Variants in SAMD3 observed in about 807,000 individuals in gnomAD.
The protein encoded by SAMD3 is sterile alpha motif domain containing 3.
Under a neutral mutation model 58.5 loss-of-function variants are expected in SAMD3, and 63 were observed. The observed-to-expected ratio is 1.08, with a 90% CI of 0.88 to 1.33. SAMD3 has a LOEUF of 1.33. Among genes scored for constraint, SAMD3 ranks in the 40% most tolerant of loss-of-function variants. The pLI, the probability that SAMD3 is intolerant of heterozygous loss-of-function variation, is 0.00. For missense variants in SAMD3, 604 were observed against 608.4 expected (o/e 0.99, Z 0.08); for synonymous variants, 220 against 210.3 (o/e 1.05, Z -0.40).
intron 1 of SAMD3, among the ~76,000 whole-genome samples, chr6:130,352,080 G>T (rs914566143): frequency 8.2e-6 from 1 of 122,504 alleles, no homozygotes; most frequent in Non-Finnish European, 1.7e-5. Context: ...GGGGGAGGGG[G>T]GAGGGATAGT....
intron 2 of SAMD3, among the ~76,000 whole-genome samples, chr6:130,238,575 C>T (rs1773246628): frequency 6.6e-6 from 1 of 151,676 alleles, no homozygotes; most frequent in African/African-American, 2.4e-5. Context: ...AAAAAAAATA[C>T]TTGGTCTAGG....
chr6:130,349,958 C>G (rs1478305054), intron 1 of SAMD3, among the ~76,000 whole-genome samples: 1 of 152,110 alleles, frequency 6.6e-6, no homozygotes, highest in Non-Finnish European at 1.5e-5. Context: ...TAAACAGAAC[C>G]AAAGACCAAA....
At chr6:130,361,995 AAAAGTT>A (rs573941963) in intron 1 of SAMD3, among the ~76,000 whole-genome samples, 95 of 152,354 alleles carry the variant, frequency 6.2e-4, no homozygotes, top group African/African-American at 2.2e-3. Context: ...AATAGTCAGT[AAAAGTT>A]AATATTTTAG....
intron 1 of SAMD3, among the ~76,000 whole-genome samples, chr6:130,325,360 T>C (rs939140383): frequency 5.3e-5 from 8 of 152,162 alleles, no homozygotes; most frequent in African/African-American, 1.7e-4. Flanking sequence ...GTCTGAAGGC[T>C]GGAGAACCTG....
At chr6:130,176,054 A>G (rs754624237) in intron 7 of SAMD3, 46 bp from the exon 8 acceptor site, 1 of 1,484,220 alleles carries the variant, frequency 6.7e-7, no homozygotes, top group Non-Finnish European at 9.4e-7. Context: ...GATTGAGATA[A>G]TCCTATATAA....
chr6:130,266,081 G>C (rs1216628230), intron 2 of SAMD3, among the ~76,000 whole-genome samples: 1 of 151,980 alleles, frequency 6.6e-6, no homozygotes, highest in Non-Finnish European at 1.5e-5. Context: ...CTTAATCCTC[G>C]CTAGAAAAAA....
chr6:130,154,396 C>A (rs1789543584), intron 9 of SAMD3, among the ~76,000 whole-genome samples: 1 of 151,794 alleles, frequency 6.6e-6, no homozygotes, highest in African/African-American at 2.4e-5. Context: ...TGTCCTGTTA[C>A]CACTCCAAGA....
chr6:130,206,424 C>T (rs940451433), intron 5 of SAMD3, among the ~76,000 whole-genome samples: 16 of 152,166 alleles, frequency 1.1e-4, no homozygotes, highest in African/African-American at 3.6e-4. Flanking sequence ...CAGAGACAAC[C>T]CGTGAGAAAA....
intron 1 of SAMD3, among the ~76,000 whole-genome samples, chr6:130,331,720 A>C (rs1475241417): frequency 2.6e-5 from 4 of 152,206 alleles, no homozygotes; most frequent in African/African-American, 4.8e-5. Context: ...CTCCATCTCA[A>C]AAAAAATAAA....
At chr6:130,182,653 AGGAAGGAAAGAAGGAT>A (rs892876596) in intron 7 of SAMD3, among the ~76,000 whole-genome samples, 4 of 151,696 alleles carry the variant, frequency 2.6e-5, no homozygotes, top group African/African-American at 4.8e-5. Flanking sequence ...GAAGGAAGGA[AGGAAGGAAAGAAGGAT>A]GGAAGGAAAG....
At chr6:130,178,399 C>T (rs78974207) in intron 7 of SAMD3, among the ~76,000 whole-genome samples, 14,158 of 151,466 alleles carry the variant, frequency 0.093, 1,067 homozygotes, top group African/African-American at 0.2. Flanking sequence ...AAAAAAACCC[C>T]TGCAGGCATA....
At chr6:130,203,640 T>C (rs920210557) in intron 5 of SAMD3, among the ~76,000 whole-genome samples, 11 of 152,190 alleles carry the variant, frequency 7.2e-5, no homozygotes, top group Non-Finnish European at 1.5e-4. Context: ...CCACAGAAAA[T>C]GCTTAATACA....
chr6:130,304,695 T>C (rs1028996724), intron 2 of SAMD3, among the ~76,000 whole-genome samples: 8 of 151,954 alleles, frequency 5.3e-5, no homozygotes, highest in Admixed American at 3.3e-4. Flanking sequence ...CTAAGTTCCA[T>C]GAAAAAAAAT....
chr6:130,278,256 G>A (rs768356296), intron 2 of SAMD3, among the ~76,000 whole-genome samples: 10 of 152,090 alleles, frequency 6.6e-5, no homozygotes, highest in Non-Finnish European at 7.4e-5. Context: ...TGACCAATCA[G>A]CACTCCCAAC....
chr6:130,235,118 A>G lies in SAMD3; in HGVS notation c.-187-12305T>C, dbSNP rs553905172. On this transcript the variant is annotated intron_variant, in intron 2 of 13. Coordinates refer to the SAMD3 transcript ENST00000368134. ...CTACAGAGCATAACCCTGTCTCAAA[A>G]AAAAGGAAATAGGGAAATTGTAGTT... 9.2e-5 allele frequency among the ~76,000 whole-genome samples: 14 copies of G among 152,318 alleles called. No homozygotes were observed. In the South Asian group the frequency reaches 2.9e-3, roughly 32 times the overall value.
chr6:130,145,924 A>T (rs1485491231), intron 10 of SAMD3, 86 bp downstream of exon 10: 2 of 740,450 alleles, frequency 2.7e-6, no homozygotes, highest in African/African-American at 3.6e-5. Context: ...TAAACTACTG[A>T]ATTTTACTGA....
chr6:130,231,743 G>T (rs1009031863), intron 2 of SAMD3, among the ~76,000 whole-genome samples: 1 of 152,052 alleles, frequency 6.6e-6, no homozygotes, highest in Non-Finnish European at 1.5e-5. Flanking sequence ...GTGGCTCATA[G>T]GTAGTTCAAG....
chr6:130,190,549 G>A (rs1793445617), intron 5 of SAMD3, among the ~76,000 whole-genome samples: 1 of 151,954 alleles, frequency 6.6e-6, no homozygotes, highest in African/African-American at 2.4e-5. Context: ...TACAAAATTT[G>A]AAATTAAAAA....
intron 8 of SAMD3, among the ~76,000 whole-genome samples, chr6:130,167,364 A>G (rs532284456): frequency 2.1e-4 from 32 of 152,120 alleles, no homozygotes; most frequent in Non-Finnish European, 4.6e-4. Context: ...GAATAATAAA[A>G]CCAGAAAAAG....
Sources: gnomAD v4.1 joint callset for allele counts (sites outside exome capture counted in the v4.1 genomes callset) on GRCh38, gnomAD v4.1.1 for gene constraint, MANE v1.5 for transcripts, NCBI Gene and HGNC (gene_info 2026-07-23, HGNC 2026-07-21) for gene names.